KCND3: variants seen among roughly 807,000 people sequenced by gnomAD.
KCND3 encodes the protein potassium voltage-gated channel subfamily D member 3.
Under a neutral mutation model 51.1 loss-of-function variants are expected in KCND3, and 9 were observed. That is an observed-to-expected ratio of 0.18 (90% CI 0.11 to 0.31). KCND3 has a LOEUF of 0.31. Among genes scored for constraint, KCND3 ranks in the 10% least tolerant of loss-of-function variants. The pLI, the probability that KCND3 is intolerant of heterozygous loss-of-function variation, is 1.00. For missense variants in KCND3, 526 were observed against 903.8 expected, an observed-to-expected ratio of 0.58 and a Z score of 5.36; for synonymous variants, 349 against 368.0, an observed-to-expected ratio of 0.95 and a Z score of 0.59.
At chr1:111,951,893 G>A (rs189180098) in intron 2 of KCND3, among the ~76,000 whole-genome samples, 181 of 152,280 alleles carry the variant, frequency 1.2e-3, no homozygotes, top group Admixed American at 3.5e-3. Flanking sequence ...ACAGCAGAGG[G>A]TCTAAGAAAA....
At chr1:111,795,082 CACA>C (rs1319952423) in intron 2 of KCND3, among the ~76,000 whole-genome samples, 1 of 152,208 alleles carries the variant, frequency 6.6e-6, no homozygotes, top group Non-Finnish European at 1.5e-5. Flanking sequence ...TCAGCCTAGC[CACA>C]ATTCTACAAA....
chr1:111,832,053 A>G (rs928399934), intron 2 of KCND3, among the ~76,000 whole-genome samples: 2 of 152,150 alleles, frequency 1.3e-5, no homozygotes, highest in African/African-American at 4.8e-5. Flanking sequence ...CTCTAGCTGG[A>G]ACAGCCTCTC....
At chr1:111,876,789 G>A (rs1350161007) in intron 2 of KCND3, among the ~76,000 whole-genome samples, 2 of 152,238 alleles carry the variant, frequency 1.3e-5, no homozygotes, top group Non-Finnish European at 2.9e-5. Flanking sequence ...AAATGTATAG[G>A]CTTAAGGGAG....
intron 2 of KCND3, among the ~76,000 whole-genome samples, chr1:111,975,332 G>C (rs964691491): frequency 6.6e-6 from 1 of 152,144 alleles, no homozygotes; most frequent in Admixed American, 6.5e-5. Context: ...CTTGTGAAAT[G>C]CTTCTCCCAG....
chr1:111,893,659 T>C (rs1669958647), intron 2 of KCND3, among the ~76,000 whole-genome samples: 1 of 152,142 alleles, frequency 6.6e-6, no homozygotes, highest in Non-Finnish European at 1.5e-5. Context: ...CCAGCCCTTC[T>C]CTTAGGAAGC....
chr1:111,917,952 G>C (rs975287447), intron 2 of KCND3, among the ~76,000 whole-genome samples: 1 of 152,138 alleles, frequency 6.6e-6, no homozygotes, highest in Non-Finnish European at 1.5e-5. Flanking sequence ...GGTAGTCTAC[G>C]AGGCACTGGG....
At chr1:111,776,614 G>T (rs1222466562) in intron 7 of KCND3, among the ~76,000 whole-genome samples, 2 of 152,116 alleles carry the variant, frequency 1.3e-5, no homozygotes, top group African/African-American at 2.4e-5. Context: ...TATAAGCAGA[G>T]GGGGAGGGAA....
At chr1:111,972,933 C>T (rs148934441) in intron 2 of KCND3, among the ~76,000 whole-genome samples, 3 of 152,252 alleles carry the variant, frequency 2.0e-5, no homozygotes, top group East Asian at 1.9e-4. Flanking sequence ...CTTAAGTATG[C>T]GTGTCCAGGA....
intron 2 of KCND3, among the ~76,000 whole-genome samples, chr1:111,835,038 G>C (rs1667008475): frequency 6.6e-6 from 1 of 152,216 alleles, no homozygotes; most frequent in Non-Finnish European, 1.5e-5. Flanking sequence ...GCCTCTAAGA[G>C]TTAAGCTGAG....
At chr1:111,854,783 A>T (rs951349566) in intron 2 of KCND3, among the ~76,000 whole-genome samples, 1 of 152,176 alleles carries the variant, frequency 6.6e-6, no homozygotes, top group Admixed American at 6.5e-5. Flanking sequence ...TAAGGCCTCG[A>T]GTTACCAAAA....
chr1:111,989,545 C>A lies in KCND3; in HGVS notation c.-113G>T, dbSNP rs1220724543. Among the ~76,000 whole-genome samples, 1 of 149,978 alleles carries A rather than the reference C, an allele frequency of 6.7e-6. No homozygotes were observed. Among genetic ancestry groups the A allele is most frequent in the Non-Finnish European group, 1.5e-5 (1 of 67,356 alleles). On this transcript the variant is annotated 5_prime_UTR_variant, in exon 1 of 8. Coordinates refer to ENST00000302127, the MANE Select transcript of KCND3 (RefSeq NM_001378969.1). ...CCCGGGCCCCGCGCCCGGCGCCCCGCGCGCGCGAGGAAGCTGCGGCCGGGA... is the reference window on the plus strand; with the variant it reads ...CCCGGGCCCCGCGCCCGGCGCCCCGAGCGCGCGAGGAAGCTGCGGCCGGGA...
At chr1:111,793,982 T>C (rs571231583) in intron 2 of KCND3, among the ~76,000 whole-genome samples, 1 of 152,272 alleles carries the variant, frequency 6.6e-6, no homozygotes, top group Admixed American at 6.5e-5. Flanking sequence ...ACATCCCAGG[T>C]ACAGGTGAGC....
At position 111,770,991 on chromosome 1, in the gene KCND3, A is replaced by G. The variant is rs1663892446; in HGVS notation, c.*5086T>C. The G allele has an allele frequency of 6.6e-6, 1 of 152,146 alleles. No individual in the cohort carries two copies. Among genetic ancestry groups the G allele is most frequent in the South Asian group, 2.1e-4 (1 of 4,828 alleles). The allele number at this position is 152,146 out of a possible 1,614,324, so 9.4% of individuals were successfully genotyped here. A position where few individuals can be genotyped will look rare whatever the true frequency, so the allele number is the denominator to read the frequency against. On this transcript the variant is annotated 3_prime_UTR_variant, in exon 8 of 8. Transcript: ENST00000302127. ...GGGAAGGGTGTGACCTCTAAGGAAA[A>G]CATTACATTGGAATGTCTGATTATC...
intron 2 of KCND3, among the ~76,000 whole-genome samples, chr1:111,940,073 G>GTTTTTTTTTTTTTTTTTTTTTTTTTTTT (rs61088602): frequency 8.2e-5 from 7 of 85,472 alleles, no homozygotes; most frequent in East Asian, 2.8e-4. Context: ...CTTTTTGATG[G>GTTTTTTTTTTTTTTTTTTTTTTTTTTTT]TTTTTTTTTT....
chr1:111,781,417 G>A (rs1046119248), intron 3 of KCND3, among the ~76,000 whole-genome samples: 3 of 152,012 alleles, frequency 2.0e-5, no homozygotes, highest in African/African-American at 7.2e-5. Flanking sequence ...TTTTTGCCTT[G>A]TTTACTGATG....
chr1:111,791,213 C>T (rs1010744481), intron 2 of KCND3, among the ~76,000 whole-genome samples: 15 of 152,122 alleles, frequency 9.9e-5, no homozygotes, highest in Non-Finnish European at 1.9e-4. Flanking sequence ...TGTTATTGTC[C>T]GTCTTTTTAT....
chr1:111,958,871 C>CA (rs1462898953), intron 2 of KCND3, among the ~76,000 whole-genome samples: 1 of 152,180 alleles, frequency 6.6e-6, no homozygotes, highest in Non-Finnish European at 1.5e-5. Context: ...GGTGGGGGAA[C>CA]AAAATCTCTC....
chr1:111,915,008 G>A (rs537469561), intron 2 of KCND3, among the ~76,000 whole-genome samples: 6 of 152,166 alleles, frequency 3.9e-5, no homozygotes, highest in African/African-American at 1.2e-4. Flanking sequence ...GTACAAAATT[G>A]AATATATAAG....
At chr1:111,917,195 C>A (rs138448956) in intron 2 of KCND3, among the ~76,000 whole-genome samples, 134 of 152,288 alleles carry the variant, frequency 8.8e-4, no homozygotes, top group Non-Finnish European at 1.7e-3. Context: ...GGCAAGAATG[C>A]CTGCTTTGAT....
Sources: allele counts gnomAD v4.1 joint callset (sites outside exome capture counted in the v4.1 genomes callset), GRCh38; gene constraint gnomAD v4.1.1; transcripts MANE v1.5; gene names NCBI Gene and HGNC (gene_info 2026-07-23, HGNC 2026-07-21).